Variants in CDK5RAP2 observed in about 807,000 individuals in gnomAD.
CDK5RAP2 encodes CDK5 regulatory subunit associated protein 2.
In CDK5RAP2, 147 loss-of-function variants were observed where a neutral mutation model predicts 232.9. That is an observed-to-expected ratio of 0.63 (90% CI 0.55 to 0.72). CDK5RAP2 has a LOEUF of 0.72. Among genes scored for constraint, CDK5RAP2 ranks in the 30% least tolerant of loss-of-function variants. The pLI is 0.00. For missense variants in CDK5RAP2, 2,195 were observed against 2,231.5 expected, an observed-to-expected ratio of 0.98 and a Z score of 0.33; for synonymous variants, 833 against 833.7, an observed-to-expected ratio of 1.00 and a Z score of 0.01.
intron 7 of CDK5RAP2, among the ~76,000 whole-genome samples, chr9:120,531,009 A>T (rs10984942): frequency 0.95 from 144,973 of 152,100 alleles, 69,467 homozygotes; most frequent in East Asian, 1. Flanking sequence ...TATAATTTTT[A>T]AAAAAAAGGA....
intron 1 of CDK5RAP2, among the ~76,000 whole-genome samples, chr9:120,575,938 C>G (rs2043016965): frequency 1.3e-5 from 2 of 152,198 alleles, no homozygotes; most frequent in Admixed American, 1.3e-4. Context: ...GTTTTCAACT[C>G]CTACAAAGCT....
At chr9:120,496,746 GCC>G (rs1448569732) in intron 12 of CDK5RAP2, among the ~76,000 whole-genome samples, 1 of 119,342 alleles carries the variant, frequency 8.4e-6, no homozygotes. Context: ...TGGGGGGTCA[GCC>G]CCCCGCCCGG....
chr9:120,518,319 G>T, intron 12 of CDK5RAP2, 108 bp downstream of exon 12: 1 of 874,862 alleles, frequency 1.1e-6, no homozygotes, highest in Non-Finnish European at 1.9e-6. Context: ...GATAATAAGT[G>T]AAATATTTTC....
chr9:120,394,466 A>G (rs764357809), intron 36 of CDK5RAP2, 46 bp downstream of exon 36: 6 of 1,613,340 alleles, frequency 3.7e-6, no homozygotes, highest in Non-Finnish European at 4.2e-6. Context: ...GAGCCCTCGG[A>G]GGCAGGAAGT....
At chr9:120,548,726 AC>A (rs747752697) in intron 4 of CDK5RAP2, among the ~76,000 whole-genome samples, 3 of 152,186 alleles carry the variant, frequency 2.0e-5, no homozygotes, top group Non-Finnish European at 4.4e-5. Context: ...GTGGGAGGAT[AC>A]CTTCAGCCCA....
intron 17 of CDK5RAP2, among the ~76,000 whole-genome samples, chr9:120,469,540 T>C (rs554268781): frequency 1.3e-5 from 2 of 152,352 alleles, no homozygotes; most frequent in Admixed American, 6.5e-5. Flanking sequence ...AAGAATGTTT[T>C]TCAGAACCTT....
intron 14 of CDK5RAP2, among the ~76,000 whole-genome samples, chr9:120,483,738 G>A (rs1038405844): frequency 5.3e-5 from 8 of 152,206 alleles, no homozygotes; most frequent in African/African-American, 1.9e-4. Context: ...GTGAGTAGTA[G>A]GACTGGCATT....
chr9:120,492,605 G>C (rs539848719), intron 12 of CDK5RAP2, among the ~76,000 whole-genome samples: 1 of 152,114 alleles, frequency 6.6e-6, no homozygotes, highest in Non-Finnish European at 1.5e-5. Context: ...CCAGTTAACT[G>C]GTTAACCAAA....
intron 12 of CDK5RAP2, among the ~76,000 whole-genome samples, chr9:120,495,652 TGG>T (rs1564297277): frequency 2.9e-5 from 2 of 67,928 alleles, no homozygotes; most frequent in Non-Finnish European, 2.9e-5. Flanking sequence ...GGGAGGGAGG[TGG>T]GGGGGGGTCA....
At position 120,570,969 on chromosome 9, in the gene CDK5RAP2, C is replaced by T. The variant is rs557007871; in HGVS notation, c.127+1005G>A. On this transcript the variant is annotated intron_variant, in intron 2 of 37. Transcript: ENST00000349780. ...TTGAGTCCAGGAATTCGAGACCAGA[C>T]TGGGCAACATGGCAAAACCGTCCTG... Among the ~76,000 whole-genome samples the T allele has an allele frequency of 5.9e-5, 9 of 152,286 alleles. No individual in the cohort carries two copies. The South Asian group carries it at 1.9e-3, about 32-fold the overall frequency.
rs7030969 is a variant in CDK5RAP2, at chr9:120,545,794, C to A, written c.307-4G>T. The A allele has an allele frequency of 6.2e-7, 1 of 1,610,538 alleles. No homozygotes were observed. Reference sequence around the variant, plus strand: ...CTTCCACCTTGAGCTCAATGTTCTACAAAACAAGATTAAGAAAGAAAAGAA... The same window carrying A: ...CTTCCACCTTGAGCTCAATGTTCTAAAAAACAAGATTAAGAAAGAAAAGAA... On this transcript the variant is annotated splice_region_variant and splice_polypyrimidine_tract_variant and intron_variant, in intron 4 of 37. Transcript: ENST00000349780.
rs147615202 is a variant in CDK5RAP2 at position 120,552,815 on chromosome 9, C to T, written c.196-1913G>A. Among the ~76,000 whole-genome samples the T allele has an allele frequency of 3.7e-4, 56 of 150,338 alleles. No individual in the cohort carries two copies. The East Asian group carries it at 0.011, about 29-fold the overall frequency. ...GTATGTAACGAACCTGCACATTGTG[C>T]ACATGTACCCTAAAACTTAAAGTTT... On this transcript the variant is annotated intron_variant, in intron 3 of 37. Transcript: ENST00000349780.
chr9:120,561,706 A>AT (rs2042471241), intron 3 of CDK5RAP2, among the ~76,000 whole-genome samples: 1 of 152,180 alleles, frequency 6.6e-6, no homozygotes, highest in African/African-American at 2.4e-5. Flanking sequence ...ATGAATACAC[A>AT]TTTTTGCAGA....
intron 1 of CDK5RAP2, among the ~76,000 whole-genome samples, chr9:120,578,564 C>T (rs1443255848): frequency 1.0e-5 from 1 of 99,016 alleles, no homozygotes; most frequent in Non-Finnish European, 2.0e-5. Flanking sequence ...ATTATTTTCA[C>T]TTTCCTTTTT....
chr9:120,460,171 C>A (rs930620783), intron 19 of CDK5RAP2, among the ~76,000 whole-genome samples: 2 of 152,134 alleles, frequency 1.3e-5, no homozygotes, highest in African/African-American at 4.8e-5. Flanking sequence ...TTTACACAGT[C>A]CAGAAACAAG....
At chr9:120,416,125 G>C (rs1047238923) in intron 27 of CDK5RAP2, among the ~76,000 whole-genome samples, 1 of 152,102 alleles carries the variant, frequency 6.6e-6, no homozygotes, top group African/African-American at 2.4e-5. Context: ...CACAGACTAA[G>C]CAAACAGTTC....
chr9:120,536,459 C>T lies in CDK5RAP2; in HGVS notation c.575G>A (p.Arg192Gln), dbSNP rs200650108. ...FAGTETEKAL[R>Q]LRLESKLSEM... Reference sequence around the variant, plus strand: ...TGAAAGCTTGCTTTCCAAACGCAACCGAAGAGCCTTCTCCGTCTCTGTCCC... The same window carrying T: ...TGAAAGCTTGCTTTCCAAACGCAACTGAAGAGCCTTCTCCGTCTCTGTCCC... The change falls in exon 7 of 38, where the codon CGG becomes CAG. Residue 192 changes from arginine (R) to glutamine (Q), a missense_variant. Physicochemically the swap from Arg to Gln is conservative, Grantham distance 43. Coordinates refer to ENST00000349780, the MANE Select transcript of CDK5RAP2 (RefSeq NM_018249.6). 2.0e-4 allele frequency: 319 copies of T among 1,614,046 alleles called. 4 individuals are homozygous for T. The highest frequency in any genetic ancestry group is 2.9e-4 in the South Asian group (26 of 91,090).
chr9:120,393,803 G>A (rs2032214502), intron 36 of CDK5RAP2, among the ~76,000 whole-genome samples: 1 of 152,238 alleles, frequency 6.6e-6, no homozygotes, highest in Non-Finnish European at 1.5e-5. Flanking sequence ...TCTGCCTTGA[G>A]AAGTATTTCT....
intron 12 of CDK5RAP2, among the ~76,000 whole-genome samples, chr9:120,512,039 C>A (rs1281498386): frequency 6.6e-6 from 1 of 152,108 alleles, no homozygotes; most frequent in East Asian, 1.9e-4. Context: ...CGCCCGGCCA[C>A]AATGTGCATT....
Sources: allele counts gnomAD v4.1 joint callset (sites outside exome capture counted in the v4.1 genomes callset), GRCh38; gene constraint gnomAD v4.1.1; transcripts MANE v1.5; gene names NCBI Gene and HGNC (gene_info 2026-07-23, HGNC 2026-07-21).